The following DLGAP2 variants were observed in gnomAD, a reference collection of about 807,000 sequenced individuals.
The protein encoded by DLGAP2 is DLG associated protein 2, also known as disks large-associated protein 2.
DLGAP2 carries 26 observed loss-of-function variants against 100.3 expected under a neutral mutation model. That is an observed-to-expected ratio of 0.26 (90% confidence interval 0.19 to 0.36). The LOEUF (loss-of-function observed/expected upper bound fraction) is 0.36. Ranked by LOEUF, DLGAP2 falls within the 10% of genes least tolerant of loss-of-function variation. The pLI is 1.00. For missense variants in DLGAP2, 1,858 were observed against 1,453.2 expected, an observed-to-expected ratio of 1.28 and a Z score of -4.53; for synonymous variants, 886 against 630.1, an observed-to-expected ratio of 1.41 and a Z score of -6.08.
intron 1 of DLGAP2, among the ~76,000 whole-genome samples, chr8:746,903 T>C (rs1820630353): frequency 6.6e-6 from 1 of 152,140 alleles, no homozygotes; most frequent in Non-Finnish European, 1.5e-5. Context: ...GTGCCCCTGT[T>C]AGGGTGATGT....
intron 3 of DLGAP2, among the ~76,000 whole-genome samples, chr8:1,319,178 G>A (rs899912523): frequency 2.0e-5 from 3 of 152,140 alleles, no homozygotes; most frequent in South Asian, 2.1e-4. Context: ...GGGCCCCCAT[G>A]GCTCCCCTCC....
chr8:1,287,333 G>A (rs199988170), intron 3 of DLGAP2, among the ~76,000 whole-genome samples: 4 of 133,936 alleles, frequency 3.0e-5, no homozygotes, highest in Non-Finnish European at 6.4e-5. Context: ...GTGTGTGTGT[G>A]CGTGGTTCTG....
At chr8:1,486,587 G>A (rs980772027) in intron 3 of DLGAP2, among the ~76,000 whole-genome samples, 17 of 151,950 alleles carry the variant, frequency 1.1e-4, no homozygotes, top group African/African-American at 3.9e-4. Flanking sequence ...CAGCATCAGC[G>A]GAGATGCGGC....
chr8:1,500,034 A>G (rs1799664475), intron 3 of DLGAP2, among the ~76,000 whole-genome samples: 1 of 152,164 alleles, frequency 6.6e-6, no homozygotes, highest in Non-Finnish European at 1.5e-5. Context: ...GTCCATGAAT[A>G]TTGGAAACCC....
At chr8:1,526,719 T>G (rs893155026) in intron 4 of DLGAP2, among the ~76,000 whole-genome samples, 8 of 152,162 alleles carry the variant, frequency 5.3e-5, no homozygotes, top group East Asian at 3.9e-4. Context: ...ATCCAGCCAC[T>G]AACTCCACAT....
chr8:959,476 G>A (rs1799672430), intron 2 of DLGAP2, among the ~76,000 whole-genome samples: 1 of 152,214 alleles, frequency 6.6e-6, no homozygotes, highest in Non-Finnish European at 1.5e-5. Context: ...CTTAGAATGT[G>A]GTCTTGAAGA....
intron 1 of DLGAP2, among the ~76,000 whole-genome samples, chr8:757,264 A>G (rs974443701): frequency 3.3e-5 from 5 of 152,104 alleles, no homozygotes; most frequent in Non-Finnish European, 7.3e-5. Context: ...TGAGTTATCC[A>G]CTTTACATTT....
intron 1 of DLGAP2, among the ~76,000 whole-genome samples, chr8:800,080 G>C (rs1415373015): frequency 6.6e-6 from 1 of 152,084 alleles, no homozygotes; most frequent in Non-Finnish European, 1.5e-5. Context: ...ACATTCTGAA[G>C]AAAGCCATGC....
At chr8:1,118,105 C>G (rs1345850464) in intron 2 of DLGAP2, among the ~76,000 whole-genome samples, 1 of 152,222 alleles carries the variant, frequency 6.6e-6, no homozygotes, top group Non-Finnish European at 1.5e-5. Flanking sequence ...CATTGCATGT[C>G]AGTTGACAGA....
At chr8:1,325,237 A>T (rs1025572068) in intron 3 of DLGAP2, among the ~76,000 whole-genome samples, 5 of 152,228 alleles carry the variant, frequency 3.3e-5, no homozygotes, top group Admixed American at 2.6e-4. Flanking sequence ...TGAGACAGTC[A>T]TTCCACGACC....
chr8:808,408 T>G (rs1209557209), intron 1 of DLGAP2, among the ~76,000 whole-genome samples: 2 of 152,152 alleles, frequency 1.3e-5, no homozygotes, highest in African/African-American at 4.8e-5. Context: ...CTGGGTCTGC[T>G]GAGATCCAGG....
chr8:1,350,302 G>A (rs1480165661), intron 3 of DLGAP2, among the ~76,000 whole-genome samples: 1 of 89,104 alleles, frequency 1.1e-5, no homozygotes, highest in Non-Finnish European at 2.4e-5. Flanking sequence ...GCGTGGAAAG[G>A]CCGTGCGGGT....
At chr8:1,057,060 C>G (rs1802903310) in intron 2 of DLGAP2, among the ~76,000 whole-genome samples, 1 of 152,204 alleles carries the variant, frequency 6.6e-6, no homozygotes, top group South Asian at 2.1e-4. Flanking sequence ...GTTTGAGGAA[C>G]TACTGTGAGA....
intron 2 of DLGAP2, among the ~76,000 whole-genome samples, chr8:1,122,744 C>G (rs1224970792): frequency 6.6e-6 from 1 of 151,926 alleles, no homozygotes; most frequent in East Asian, 1.9e-4. Flanking sequence ...TCCTCCCTCC[C>G]TTCATCTTCT....
intron 3 of DLGAP2, among the ~76,000 whole-genome samples, chr8:1,411,664 C>A (rs892593249): frequency 4.6e-5 from 7 of 152,170 alleles, no homozygotes; most frequent in African/African-American, 1.7e-4. Context: ...TCTGAACCAT[C>A]TGCTAAACTT....
chr8:1,291,536 G>T (rs1028533762), intron 3 of DLGAP2, among the ~76,000 whole-genome samples: 2 of 152,178 alleles, frequency 1.3e-5, no homozygotes, highest in African/African-American at 4.8e-5. Flanking sequence ...AGAGGGTTTT[G>T]TGGTATATTC....
intron 3 of DLGAP2, among the ~76,000 whole-genome samples, chr8:1,471,908 C>A (rs574668007): frequency 6.6e-6 from 1 of 152,236 alleles, no homozygotes; most frequent in Non-Finnish European, 1.5e-5. Flanking sequence ...GGTCCGTAAA[C>A]GGTTGTGATT....
chr8:839,381 A>G (rs1477164664), intron 1 of DLGAP2, among the ~76,000 whole-genome samples: 4 of 152,360 alleles, frequency 2.6e-5, no homozygotes, highest in Middle Eastern at 3.4e-3. Flanking sequence ...TAGATGCACA[A>G]TGGAATACTA....
intron 1 of DLGAP2, among the ~76,000 whole-genome samples, chr8:883,541 G>A (rs760950188): frequency 6.6e-5 from 10 of 151,330 alleles, no homozygotes; most frequent in South Asian, 4.2e-4. Flanking sequence ...CAGGATACAT[G>A]TACAGAATGT....
Sources: gnomAD v4.1 joint callset for allele counts (sites outside exome capture counted in the v4.1 genomes callset) on GRCh38, gnomAD v4.1.1 for gene constraint, MANE v1.5 for transcripts, NCBI Gene and HGNC (gene_info 2026-07-23, HGNC 2026-07-21) for gene names.